The following RGS6 variants were observed in gnomAD, a reference collection of about 807,000 sequenced individuals.
The protein encoded by RGS6 is regulator of G protein signaling 6.
RGS6 carries 30 observed loss-of-function variants against 78.5 expected under a neutral mutation model. The ratio of observed to expected loss-of-function variants is 0.38; its 90% CI spans 0.29 to 0.52. The LOEUF (loss-of-function observed/expected upper bound fraction) is 0.52. Among genes scored for constraint, RGS6 ranks in the 20% least tolerant of loss-of-function variants. The probability of loss-of-function intolerance (pLI) is 0.85; values close to 1 mark genes in which losing one functional copy is unlikely to be tolerated. For missense variants in RGS6, 495 were observed against 609.7 expected, an observed-to-expected ratio of 0.81 and a Z score of 1.98; for synonymous variants, 206 against 206.0, an observed-to-expected ratio of 1.00 and a Z score of 0.00.
intron 2 of RGS6, among the ~76,000 whole-genome samples, chr14:72,231,090 T>G (rs1487687330): frequency 6.6e-6 from 1 of 152,154 alleles, no homozygotes; most frequent in African/African-American, 2.4e-5. Context: ...CTGGGGTCAC[T>G]GGAGTCTCAA....
Position 72,343,976 on chromosome 14 carries a change from C to T in RGS6, c.85-8119C>T, listed in dbSNP as rs186062636. On this transcript the variant is annotated intron_variant, in intron 2 of 17. Coordinates refer to ENST00000553525, the MANE Select transcript of RGS6 (RefSeq NM_001204424.2). ...CATCCGCACTGTTGCTGGCCATCTGCGGTCAGAGATTCCTCAGTCCAGGGC... is the reference window on the plus strand; with the variant it reads ...CATCCGCACTGTTGCTGGCCATCTGTGGTCAGAGATTCCTCAGTCCAGGGC... Among the ~76,000 whole-genome samples the T allele has an allele frequency of 3.0e-4, 45 of 152,304 alleles. 1 individual carries two copies. In the East Asian group the frequency reaches 7.0e-3, roughly 24 times the overall value.
intron 2 of RGS6, among the ~76,000 whole-genome samples, chr14:72,162,203 G>A (rs2096862408): frequency 6.6e-6 from 1 of 151,674 alleles, no homozygotes; most frequent in Non-Finnish European, 1.5e-5. Context: ...AAAACTATAT[G>A]AGGAAAAAAA....
chr14:72,404,925 G>A (rs1272129679), intron 3 of RGS6, among the ~76,000 whole-genome samples: 1 of 152,212 alleles, frequency 6.6e-6, no homozygotes, highest in Non-Finnish European at 1.5e-5. Context: ...TGATGAGCCA[G>A]GAAGATCTGT....
intron 8 of RGS6, among the ~76,000 whole-genome samples, chr14:72,471,768 G>A (rs980647696): frequency 2.0e-5 from 3 of 152,246 alleles, no homozygotes; most frequent in South Asian, 2.1e-4. Flanking sequence ...GGGTGCCCCC[G>A]AAGAGGTGCA....
chr14:72,289,929 A>G (rs1338925282), intron 2 of RGS6, among the ~76,000 whole-genome samples: 1 of 152,238 alleles, frequency 6.6e-6, no homozygotes, highest in Non-Finnish European at 1.5e-5. Flanking sequence ...TCCTTGTCAG[A>G]ACTGTTGTTT....
At position 71,955,626 on chromosome 14, in the gene RGS6, T is replaced by C. The variant is rs2092725307; in HGVS notation, c.-20-9146T>C. Among the ~76,000 whole-genome samples the C allele has an allele frequency of 1.3e-5, 2 of 152,160 alleles. 1 individual carries two copies. Among genetic ancestry groups the C allele is most frequent in the South Asian group, 4.1e-4 (2 of 4,820 alleles). ...TTGCCATGGCATTTATAAACTGTCA[T>C]GGCGCTGGTGGGAGTGTAGCAGTGA... is the stretch of plus-strand genomic sequence containing the variant. On this transcript the variant is annotated intron_variant, in intron 1 of 17. Coordinates refer to ENST00000553525, the MANE Select transcript of RGS6 (RefSeq NM_001204424.2).
the RGS6 span, among the ~76,000 whole-genome samples, chr14:71,913,369 TG>T: frequency 6.6e-6 from 1 of 152,194 alleles, no homozygotes; most frequent in Non-Finnish European, 1.5e-5. Flanking sequence ...CCATCTTCCC[TG>T]GAAGCTGCAC....
intron 17 of RGS6, among the ~76,000 whole-genome samples, chr14:72,562,077 C>A (rs901919519): frequency 2.6e-5 from 4 of 152,210 alleles, no homozygotes; most frequent in Admixed American, 2.6e-4. Context: ...AAATCAATTT[C>A]AGGGCAGCCC....
intron 2 of RGS6, among the ~76,000 whole-genome samples, chr14:72,213,873 A>T (rs1458030078): frequency 1.3e-5 from 2 of 152,144 alleles, no homozygotes; most frequent in Non-Finnish European, 2.9e-5. Context: ...GTTTGTTTTT[A>T]TTTGACACTA....
chr14:72,162,555 CTG>C (rs1318879453), intron 2 of RGS6, among the ~76,000 whole-genome samples: 1 of 152,132 alleles, frequency 6.6e-6, no homozygotes, highest in Non-Finnish European at 1.5e-5. Flanking sequence ...GGCCAGGCAA[CTG>C]TAAGACAGCG....
intron 3 of RGS6, among the ~76,000 whole-genome samples, chr14:72,405,557 T>A (rs1160021321): frequency 1.3e-5 from 2 of 152,176 alleles, no homozygotes; most frequent in East Asian, 3.9e-4. Context: ...AATTCCATCT[T>A]CCCAGGTTGA....
At chr14:72,477,796 C>CAA (rs10656616) in intron 11 of RGS6, among the ~76,000 whole-genome samples, 10,456 of 101,680 alleles carry the variant, frequency 0.1, 494 homozygotes, top group South Asian at 0.19. Context: ...GACTCTGTCT[C>CAA]AAAAAAAAAA....
At chr14:72,518,973 G>A (rs780936297) in intron 15 of RGS6, among the ~76,000 whole-genome samples, 20 of 152,232 alleles carry the variant, frequency 1.3e-4, no homozygotes, top group Admixed American at 2.6e-4. Context: ...CTCCAGCTCT[G>A]CAGTGAATAT....
At chr14:71,943,925 GC>G (rs2091059033) in intron 1 of RGS6, among the ~76,000 whole-genome samples, 1 of 152,136 alleles carries the variant, frequency 6.6e-6, no homozygotes, top group South Asian at 2.1e-4. Context: ...GAGTGTGGAT[GC>G]AAGGTGCACG....
chr14:72,494,732 G>A (rs891591144), intron 12 of RGS6, among the ~76,000 whole-genome samples: 1 of 152,170 alleles, frequency 6.6e-6, no homozygotes, highest in South Asian at 2.1e-4. Context: ...TCCTTCCGTT[G>A]GGAATGCTGA....
At chr14:72,334,767 C>G in intron 2 of RGS6, among the ~76,000 whole-genome samples, 1 of 152,120 alleles carries the variant, frequency 6.6e-6, no homozygotes, top group African/African-American at 2.4e-5. Context: ...CCTACTCCCA[C>G]TAATATTAGA....
the RGS6 span, among the ~76,000 whole-genome samples, chr14:72,574,123 C>T: frequency 1.3e-5 from 2 of 152,224 alleles, no homozygotes; most frequent in African/African-American, 2.4e-5. Context: ...TGCCCCTCCC[C>T]GGTCAGGCAC....
At chr14:72,258,516 A>G (rs1164299000) in intron 2 of RGS6, among the ~76,000 whole-genome samples, 1 of 152,216 alleles carries the variant, frequency 6.6e-6, no homozygotes, top group African/African-American at 2.4e-5. Context: ...TAGCTTCTAT[A>G]GTACCCAAGT....
chr14:71,988,982 A>C (rs1033765120), intron 2 of RGS6, among the ~76,000 whole-genome samples: 6 of 152,210 alleles, frequency 3.9e-5, no homozygotes, highest in Non-Finnish European at 5.9e-5. Context: ...AAAATAAAAA[A>C]CAGGCATATT....
Sources: allele counts gnomAD v4.1 joint callset (sites outside exome capture counted in the v4.1 genomes callset), GRCh38; gene constraint gnomAD v4.1.1; transcripts MANE v1.5; gene names NCBI Gene and HGNC (gene_info 2026-07-23, HGNC 2026-07-21).